The following CENPQ variants were observed in gnomAD, a reference collection of about 807,000 sequenced individuals.
CENPQ encodes the protein chromosome 6 open reading frame 139.
A neutral mutation model predicts 36.6 loss-of-function variants in CENPQ; 27 were observed. The ratio of observed to expected loss-of-function variants is 0.74; its 90% CI spans 0.54 to 1.02. CENPQ has a LOEUF of 1.02. CENPQ is among the 50% of genes least tolerant of loss of function. The pLI is 0.00. For missense variants in CENPQ, 306 were observed against 301.8 expected, an observed-to-expected ratio of 1.01 and a Z score of -0.10; for synonymous variants, 101 against 101.7, an observed-to-expected ratio of 0.99 and a Z score of 0.04.
intron 8 of CENPQ, 90 bp from the exon 9 acceptor site, chr6:49,492,054 A>T: frequency 1.0e-6 from 1 of 984,586 alleles, no homozygotes; most frequent in Non-Finnish European, 1.5e-6. Context: ...ATAGATACTT[A>T]AGGTTTATTT....
chr6:49,485,315 G>A (rs957793444), intron 6 of CENPQ, among the ~76,000 whole-genome samples: 1 of 152,024 alleles, frequency 6.6e-6, no homozygotes, highest in Non-Finnish European at 1.5e-5. Flanking sequence ...ATGGTGCTGG[G>A]GAAACAACAA....
intron 1 of CENPQ, among the ~76,000 whole-genome samples, chr6:49,465,907 T>C (rs544237995): frequency 5.3e-5 from 8 of 152,348 alleles, no homozygotes; most frequent in African/African-American, 1.9e-4. Flanking sequence ...CAAGAACTTT[T>C]CCTTTGCATT....
intron 6 of CENPQ, among the ~76,000 whole-genome samples, chr6:49,483,306 G>A (rs1429148539): frequency 6.6e-6 from 1 of 152,176 alleles, no homozygotes; most frequent in Non-Finnish European, 1.5e-5. Context: ...CCCTTAGCTA[G>A]ACATAAAGGT....
intron 4 of CENPQ, 33 bp from the exon 5 acceptor site, chr6:49,472,757 C>A: frequency 7.1e-7 from 1 of 1,398,920 alleles, no homozygotes; most frequent in Non-Finnish European, 9.5e-7. Flanking sequence ...GTGCATCAGA[C>A]TACTATTTAT....
chr6:49,490,551 T>C (rs1042620023), intron 8 of CENPQ, among the ~76,000 whole-genome samples: 1 of 152,352 alleles, frequency 6.6e-6, no homozygotes, highest in Non-Finnish European at 1.5e-5. Flanking sequence ...CTTTAAATTT[T>C]CTTCAAGAAC....
chr6:49,484,475 A>AT (rs1424475318), intron 6 of CENPQ, among the ~76,000 whole-genome samples: 1 of 152,242 alleles, frequency 6.6e-6, no homozygotes, highest in Non-Finnish European at 1.5e-5. Flanking sequence ...TGAGGAGCTT[A>AT]TTAGATAATT....
chr6:49,471,029 G>T lies in CENPQ; in HGVS notation c.157+1G>T, dbSNP rs1007025194. The T allele has an allele frequency of 2.7e-6, 4 of 1,502,472 alleles. No individual in the cohort carries two copies. The African/African-American group carries it at 5.6e-5, about 21-fold the overall frequency. 93.1% of individuals were successfully genotyped at this position (1,502,472 alleles called of 1,614,324 possible). ...CATCTGAAAGATCTGTCTTCTGAAGGTATTTCTTTTCTATTACCTTGTTTA... is the reference window on the plus strand; with the variant it reads ...CATCTGAAAGATCTGTCTTCTGAAGTTATTTCTTTTCTATTACCTTGTTTA... On this transcript the variant is annotated splice_donor_variant, in intron 3 of 8. Transcript: ENST00000335783. LOFTEE classifies it high-confidence loss of function.
In CENPQ at chr6:49,470,988, GA is replaced by G. The variant is rs756590976; in HGVS notation, c.125del (p.Asn42IlefsTer5). On this transcript the variant is annotated frameshift_variant, in exon 3 of 9. Transcript: ENST00000335783. LOFTEE classifies it high-confidence loss of function. ...TTTCCCTCTAGGTTAGAAACACAGT[GA>G]AAAAAAATAAAAATCATCTGAAAGA... is the stretch of plus-strand genomic sequence containing the variant. Reference protein sequence around the residue: ...LSENKVRNTVKKNKNHLKDLS... With the variant: ...LSENKVRNTVXKNKNHLKDLS... The G allele has an allele frequency of 7.0e-5, 107 of 1,522,026 alleles. No homozygotes were observed. The highest frequency in any genetic ancestry group is 2.2e-4 in the South Asian group (17 of 77,004). The allele number at this position is 1,522,026 out of a possible 1,614,324, so 94.3% of individuals were successfully genotyped here.
At chr6:49,473,258 G>C (rs1366810853) in intron 5 of CENPQ, among the ~76,000 whole-genome samples, 1 of 152,026 alleles carries the variant, frequency 6.6e-6, no homozygotes, top group Non-Finnish European at 1.5e-5. Context: ...ATTTGCATGA[G>C]CAACAAGTAT....
At chr6:49,466,536 A>G (rs1768004167) in intron 1 of CENPQ, among the ~76,000 whole-genome samples, 1 of 152,218 alleles carries the variant, frequency 6.6e-6, no homozygotes, top group Non-Finnish European at 1.5e-5. Context: ...GCCTCTTTAT[A>G]ACATTTATAA....
chr6:49,470,940 C>G (rs1351303884), intron 2 of CENPQ, 34 bp from the exon 3 acceptor site: 1 of 1,257,450 alleles, frequency 8.0e-7, no homozygotes, highest in Non-Finnish European at 1.1e-6. Context: ...ATGTTTAATT[C>G]TGTTTATGTT....
intron 1 of CENPQ, among the ~76,000 whole-genome samples, chr6:49,466,210 C>T (rs947509003): frequency 3.3e-5 from 5 of 152,148 alleles, no homozygotes; most frequent in African/African-American, 1.2e-4. Flanking sequence ...CTGATATTGG[C>T]ATGGTTCATG....
chr6:49,472,285 GTA>G (rs1768160456), intron 4 of CENPQ, 102 bp downstream of exon 4: 1 of 907,106 alleles, frequency 1.1e-6, no homozygotes, highest in Non-Finnish European at 1.5e-6. Flanking sequence ...AGGTAATAGA[GTA>G]TATTTCTATT....
At chr6:49,474,133 T>C (rs1363420397) in intron 5 of CENPQ, among the ~76,000 whole-genome samples, 1 of 152,032 alleles carries the variant, frequency 6.6e-6, no homozygotes, top group African/African-American at 2.4e-5. Context: ...AACAAGGATA[T>C]ACAGTAATTG....
intron 1 of CENPQ, among the ~76,000 whole-genome samples, chr6:49,464,171 A>G (rs992104897): frequency 1.3e-5 from 2 of 152,210 alleles, no homozygotes; most frequent in African/African-American, 4.8e-5. Context: ...TTCCAGACCA[A>G]TAAAGCCTGT....
chr6:49,488,744 T>A, intron 8 of CENPQ, 60 bp downstream of exon 8: 1 of 1,397,232 alleles, frequency 7.2e-7, no homozygotes, highest in Admixed American at 1.7e-5. Flanking sequence ...CAAATTTGGA[T>A]TCAGACCACA....
intron 6 of CENPQ, among the ~76,000 whole-genome samples, chr6:49,482,767 CACTG>C (rs1768472902): frequency 6.6e-6 from 1 of 152,120 alleles, no homozygotes; most frequent in Non-Finnish European, 1.5e-5. Context: ...TTCTTGGTCT[CACTG>C]ACTTCAAGAA....
chr6:49,481,208 A>G, intron 6 of CENPQ, 128 bp downstream of exon 6: 1 of 815,486 alleles, frequency 1.2e-6, no homozygotes, highest in Non-Finnish European at 1.8e-6. Context: ...TTTTTCATTA[A>G]ATTGTTTTTT....
At chr6:49,490,015 G>A (rs1385372065) in intron 8 of CENPQ, among the ~76,000 whole-genome samples, 2 of 152,292 alleles carry the variant, frequency 1.3e-5, no homozygotes, top group East Asian at 3.9e-4. Flanking sequence ...AGTGAGCATT[G>A]GCTTCAACTT....
Sources: allele counts gnomAD v4.1 joint callset (sites outside exome capture counted in the v4.1 genomes callset), GRCh38; gene constraint gnomAD v4.1.1; transcripts MANE v1.5; gene names NCBI Gene and HGNC (gene_info 2026-07-23, HGNC 2026-07-21).